Variants in ITGBL1 observed in about 807,000 individuals in gnomAD.
The protein encoded by ITGBL1 is integrin subunit beta like 1.
ITGBL1 carries 51 observed loss-of-function variants against 68.5 expected under a neutral mutation model. The ratio of observed to expected loss-of-function variants is 0.74; its 90% CI spans 0.59 to 0.94. The LOEUF (loss-of-function observed/expected upper bound fraction) is 0.94, where lower values mean the gene tolerates loss of function less well. Ranked by LOEUF, ITGBL1 falls within the 40% of genes least tolerant of loss-of-function variation. The probability of loss-of-function intolerance (pLI) is 0.00; values close to 1 mark genes in which losing one functional copy is unlikely to be tolerated. For missense variants in ITGBL1, 649 were observed against 647.4 expected, an observed-to-expected ratio of 1.00 and a Z score of -0.03; for synonymous variants, 209 against 227.3, an observed-to-expected ratio of 0.92 and a Z score of 0.72.
intron 2 of ITGBL1, among the ~76,000 whole-genome samples, chr13:101,526,496 T>A (rs1476501330): frequency 2.0e-5 from 3 of 152,098 alleles, no homozygotes; most frequent in Admixed American, 6.6e-5. Context: ...TAGAATAGTA[T>A]GCAGCCATAA....
intron 2 of ITGBL1, among the ~76,000 whole-genome samples, chr13:101,497,088 C>T (rs868105466): frequency 3.0e-4 from 45 of 152,200 alleles, no homozygotes; most frequent in African/African-American, 1.1e-3. Flanking sequence ...GTTCTGAGGC[C>T]AGAGGGAAAA....
chr13:101,551,771 A>T (rs2049924537), intron 2 of ITGBL1, among the ~76,000 whole-genome samples: 1 of 152,218 alleles, frequency 6.6e-6, no homozygotes, highest in African/African-American at 2.4e-5. Flanking sequence ...AACTTGGTAA[A>T]GCTATTTTCC....
chr13:101,518,484 T>TA (rs1246402092), intron 2 of ITGBL1, among the ~76,000 whole-genome samples: 1 of 152,196 alleles, frequency 6.6e-6, no homozygotes, highest in Non-Finnish European at 1.5e-5. Context: ...CCAGAGTATT[T>TA]ATCTTAATCT....
At chr13:101,689,695 T>A (rs2033840724) in intron 7 of ITGBL1, among the ~76,000 whole-genome samples, 1 of 152,220 alleles carries the variant, frequency 6.6e-6, no homozygotes, top group Admixed American at 6.5e-5. Context: ...CCTAATGCAT[T>A]ATATTTTAAT....
At chr13:101,606,453 AG>A (rs1566755097) in intron 7 of ITGBL1, among the ~76,000 whole-genome samples, 1 of 151,726 alleles carries the variant, frequency 6.6e-6, no homozygotes, top group African/African-American at 2.4e-5. Flanking sequence ...CTGGGAGTAA[AG>A]GTGGGAAAAC....
intron 7 of ITGBL1, among the ~76,000 whole-genome samples, chr13:101,644,763 A>T (rs914153694): frequency 2.0e-5 from 3 of 152,280 alleles, no homozygotes; most frequent in Non-Finnish European, 4.4e-5. Context: ...AGTAATATTT[A>T]CTCATTTATG....
chr13:101,532,669 G>T (rs1305612005), intron 2 of ITGBL1, among the ~76,000 whole-genome samples: 1 of 152,140 alleles, frequency 6.6e-6, no homozygotes, highest in Non-Finnish European at 1.5e-5. Context: ...ATATGCAAAG[G>T]AATTTTAAAC....
chr13:101,685,025 A>G (rs913926771), intron 7 of ITGBL1, among the ~76,000 whole-genome samples: 11 of 151,920 alleles, frequency 7.2e-5, no homozygotes, highest in African/African-American at 2.4e-4. Flanking sequence ...ACATTTCTCC[A>G]CTTATTTTCC....
At chr13:101,705,292 C>CAAAA (rs66461824) in intron 8 of ITGBL1, among the ~76,000 whole-genome samples, 3,837 of 104,806 alleles carry the variant, frequency 0.037, 114 homozygotes, top group Middle Eastern at 0.047. Context: ...ATTTAAAAAG[C>CAAAA]AAAAAAAAAA....
intron 7 of ITGBL1, among the ~76,000 whole-genome samples, chr13:101,630,711 A>G (rs61965079): frequency 1.3e-5 from 2 of 152,190 alleles, no homozygotes; most frequent in Non-Finnish European, 2.9e-5. Flanking sequence ...AATCATTGTT[A>G]GATCTCCCCT....
chr13:101,593,114 AAAG>A (rs1368157221), intron 6 of ITGBL1, among the ~76,000 whole-genome samples: 1 of 152,102 alleles, frequency 6.6e-6, no homozygotes, highest in East Asian at 1.9e-4. Context: ...ATATTGCTCA[AAAG>A]AAGACATTCA....
intron 6 of ITGBL1, among the ~76,000 whole-genome samples, chr13:101,596,367 T>C (rs1445443910): frequency 6.6e-6 from 1 of 152,218 alleles, no homozygotes; most frequent in Non-Finnish European, 1.5e-5. Context: ...ACAGCATGGT[T>C]ACTATAGTTT....
rs539772675 is a variant in ITGBL1, at chr13:101,541,662, C to G, written c.317-26037C>G. Among the ~76,000 whole-genome samples the G allele has an allele frequency of 3.9e-5, 6 of 152,170 alleles. No homozygotes were observed. The East Asian group carries it at 1.2e-3, about 29-fold the overall frequency. On this transcript the variant is annotated intron_variant, in intron 2 of 10. Coordinates refer to ENST00000376180, the MANE Select transcript of ITGBL1 (RefSeq NM_004791.3). ...TCCTCCTTGTACCACTGGTAGAATT[C>G]GGCTGTGAATCCATCTGGTCCTGGA... is the stretch of plus-strand genomic sequence containing the variant.
chr13:101,595,501 G>T (rs2029907171), intron 6 of ITGBL1, among the ~76,000 whole-genome samples: 1 of 135,242 alleles, frequency 7.4e-6, no homozygotes, highest in Admixed American at 7.3e-5. Context: ...CAACTCAATA[G>T]CAAAAAAAAT....
chr13:101,597,283 G>A (rs1441915141), intron 6 of ITGBL1, among the ~76,000 whole-genome samples: 3 of 151,824 alleles, frequency 2.0e-5, no homozygotes, highest in Non-Finnish European at 4.4e-5. Context: ...TTGTTTGTTA[G>A]CGTGCTCTAT....
intron 7 of ITGBL1, among the ~76,000 whole-genome samples, chr13:101,680,904 C>G (rs941308772): frequency 6.6e-6 from 1 of 152,144 alleles, no homozygotes; most frequent in Non-Finnish European, 1.5e-5. Flanking sequence ...AAGTGTATTT[C>G]CCTTTTAGAC....
chr13:101,453,496 AAGG>A (rs767908158), intron 1 of ITGBL1, among the ~76,000 whole-genome samples: 14 of 152,224 alleles, frequency 9.2e-5, no homozygotes, highest in Admixed American at 2.0e-4. Context: ...ACGTTTTTTA[AAGG>A]AGAACTGAAA....
At chr13:101,506,134 A>G (rs764364123) in intron 2 of ITGBL1, among the ~76,000 whole-genome samples, 1 of 152,192 alleles carries the variant, frequency 6.6e-6, no homozygotes, top group Non-Finnish European at 1.5e-5. Context: ...TAACCTAAGG[A>G]CATTCAAGAA....
intron 7 of ITGBL1, among the ~76,000 whole-genome samples, chr13:101,611,996 A>G (rs2031150930): frequency 6.6e-6 from 1 of 152,158 alleles, no homozygotes; most frequent in South Asian, 2.1e-4. Flanking sequence ...CTTGGGATTC[A>G]AACTAATATA....
Sources: gnomAD v4.1 joint callset for allele counts (sites outside exome capture counted in the v4.1 genomes callset) on GRCh38, gnomAD v4.1.1 for gene constraint, MANE v1.5 for transcripts, NCBI Gene and HGNC (gene_info 2026-07-23, HGNC 2026-07-21) for gene names.